KDM4C: variants seen among roughly 807,000 people sequenced by gnomAD.
KDM4C encodes the protein lysine-specific demethylase 4C.
KDM4C carries 81 observed loss-of-function variants against 129.3 expected under a neutral mutation model. The ratio of observed to expected loss-of-function variants is 0.63; its 90% CI spans 0.52 to 0.75. KDM4C has a LOEUF of 0.75. Among genes scored for constraint, KDM4C ranks in the 30% least tolerant of loss-of-function variants. KDM4C has a pLI of 0.00. For synonymous variants in KDM4C, 573 were observed against 456.1 expected (o/e 1.26, Z -3.26); for missense variants, 1,457 against 1,304.0 (o/e 1.12, Z -1.81).
chr9:6,826,487 G>T (rs957270969), intron 4 of KDM4C, among the ~76,000 whole-genome samples: 16 of 152,124 alleles, frequency 1.1e-4, no homozygotes, highest in African/African-American at 3.9e-4. Flanking sequence ...GTGGTACAAT[G>T]AACATAGTTT....
chr9:7,002,778 G>T (rs1372483255), intron 12 of KDM4C, among the ~76,000 whole-genome samples: 3 of 152,180 alleles, frequency 2.0e-5, no homozygotes, highest in African/African-American at 7.2e-5. Flanking sequence ...TCATAGACAT[G>T]AATTCACTTG....
At chr9:7,157,984 C>T (rs1843369570) in intron 19 of KDM4C, among the ~76,000 whole-genome samples, 1 of 152,150 alleles carries the variant, frequency 6.6e-6, no homozygotes, top group Admixed American at 6.5e-5. Context: ...CCGTCTGGTC[C>T]TGGACTTTTT....
At chr9:6,996,229 CA>C (rs1288415326) in intron 12 of KDM4C, among the ~76,000 whole-genome samples, 3 of 152,206 alleles carry the variant, frequency 2.0e-5, no homozygotes, top group Non-Finnish European at 4.4e-5. Flanking sequence ...TTCTTATCAG[CA>C]GCACTTTAAT....
intron 12 of KDM4C, among the ~76,000 whole-genome samples, chr9:6,995,431 A>C (rs561104573): frequency 6.6e-6 from 1 of 152,322 alleles, no homozygotes; most frequent in South Asian, 2.1e-4. Flanking sequence ...TGAATAAGGT[A>C]AATGTCTCAT....
rs57627904 is a variant in KDM4C at position 7,044,558 on chromosome 9, C to T, written c.2260-2304C>T. Among the ~76,000 whole-genome samples the T allele has an allele frequency of 6.2e-3, 946 of 151,924 alleles. 8 individuals carry two copies. The highest frequency in any genetic ancestry group is 0.022 in the African/African-American group (900 of 41,462). ...ATTGACAGAACTCAGTTGATTGGAT[C>T]TAAAGGATGAGAGGAAAAATGTGTC... On this transcript the variant is annotated intron_variant, in intron 15 of 21. Transcript: ENST00000381309.
chr9:7,172,273 T>C (rs1364571956), intron 21 of KDM4C, among the ~76,000 whole-genome samples: 4 of 152,148 alleles, frequency 2.6e-5, no homozygotes, highest in Admixed American at 2.6e-4. Flanking sequence ...GAGCCAGCAG[T>C]CCACCTCAGT....
chr9:6,737,694 A>C (rs146142630), intron 1 of KDM4C, among the ~76,000 whole-genome samples: 11 of 151,784 alleles, frequency 7.2e-5, no homozygotes, highest in African/African-American at 2.2e-4. Context: ...AAAGTGAGCA[A>C]AGGACATGAA....
intron 5 of KDM4C, among the ~76,000 whole-genome samples, chr9:6,867,013 A>AT (rs1267228074): frequency 3.7e-4 from 29 of 78,828 alleles, no homozygotes; most frequent in Admixed American, 2.6e-4. Flanking sequence ...ATATATATAT[A>AT]TATATTTTTT....
At chr9:6,813,605 A>G (rs554822863) in intron 3 of KDM4C, among the ~76,000 whole-genome samples, 2 of 152,092 alleles carry the variant, frequency 1.3e-5, no homozygotes, top group Non-Finnish European at 2.9e-5. Flanking sequence ...TTGCTTCATT[A>G]TATTCTCATT....
At chr9:6,898,135 T>C (rs571839580) in intron 8 of KDM4C, among the ~76,000 whole-genome samples, 4 of 152,356 alleles carry the variant, frequency 2.6e-5, no homozygotes, top group African/African-American at 9.6e-5. Flanking sequence ...ACTGCATTCA[T>C]TAGCTTCACA....
intron 7 of KDM4C, among the ~76,000 whole-genome samples, chr9:6,888,427 C>G (rs7850907): frequency 0.51 from 77,414 of 151,936 alleles, 19,862 homozygotes; most frequent in Middle Eastern, 0.61. Context: ...CAATGGGTTG[C>G]TTAGAATCAA....
At chr9:6,856,661 C>T (rs1839904607) in intron 5 of KDM4C, among the ~76,000 whole-genome samples, 1 of 151,612 alleles carries the variant, frequency 6.6e-6, no homozygotes, top group Non-Finnish European at 1.5e-5. Context: ...CAGCCACAAC[C>T]TCCTGGGCTC....
intron 19 of KDM4C, among the ~76,000 whole-genome samples, chr9:7,143,600 G>T (rs1841963544): frequency 6.6e-6 from 1 of 152,142 alleles, no homozygotes; most frequent in Admixed American, 6.5e-5. Flanking sequence ...TAACAATGGT[G>T]TGTTATCTAC....
intron 8 of KDM4C, among the ~76,000 whole-genome samples, chr9:6,919,285 C>CTCTCTT (rs1820996303): frequency 2.1e-5 from 1 of 46,890 alleles, no homozygotes; most frequent in African/African-American, 7.3e-5. Context: ...CTCTCTCTCT[C>CTCTCTT]TCTTTCTTTC....
intron 5 of KDM4C, among the ~76,000 whole-genome samples, chr9:6,865,192 TAG>T (rs1426474444): frequency 3.9e-5 from 6 of 152,080 alleles, no homozygotes; most frequent in Non-Finnish European, 8.8e-5. Flanking sequence ...GTATTTTTAG[TAG>T]AGACGGGGTT....
At chr9:6,783,880 G>A (rs72699658) in intron 1 of KDM4C, among the ~76,000 whole-genome samples, 14,835 of 152,174 alleles carry the variant, frequency 0.097, 845 homozygotes, top group Non-Finnish European at 0.11. Flanking sequence ...GAGGTGAACT[G>A]ACAAAGAAAC....
intron 1 of KDM4C, among the ~76,000 whole-genome samples, chr9:6,767,420 C>T (rs935981568): frequency 4.6e-5 from 7 of 151,766 alleles, no homozygotes; most frequent in Non-Finnish European, 7.4e-5. Flanking sequence ...GGATTACAGG[C>T]GTGAGCCACC....
At chr9:6,896,490 A>AT (rs1563775782) in intron 8 of KDM4C, among the ~76,000 whole-genome samples, 62 of 149,556 alleles carry the variant, frequency 4.1e-4, no homozygotes, top group African/African-American at 1.5e-3. Flanking sequence ...TATATATATA[A>AT]AAATATAATT....
intron 5 of KDM4C, among the ~76,000 whole-genome samples, chr9:6,855,697 A>G (rs1219458412): frequency 6.6e-6 from 1 of 151,986 alleles, no homozygotes; most frequent in Non-Finnish European, 1.5e-5. Context: ...CCTTTGGTCT[A>G]GAAGAGAGAA....
Sources: allele counts gnomAD v4.1 joint callset (sites outside exome capture counted in the v4.1 genomes callset), GRCh38; gene constraint gnomAD v4.1.1; transcripts MANE v1.5; gene names NCBI Gene and HGNC (gene_info 2026-07-23, HGNC 2026-07-21).